ATP13A5: variants seen among roughly 807,000 people sequenced by gnomAD.
ATP13A5 encodes the protein probable cation-transporting ATPase 13A5.
In ATP13A5, 149 loss-of-function variants were observed where a neutral mutation model predicts 150.2. That is an observed-to-expected ratio of 0.99 (90% confidence interval 0.87 to 1.14). The LOEUF is 1.14. Ranked by LOEUF, ATP13A5 falls within the 50% of genes most tolerant of loss-of-function variation. The pLI, the probability that ATP13A5 is intolerant of heterozygous loss-of-function variation, is 0.00. For missense variants in ATP13A5, 1,383 were observed against 1,449.3 expected, an observed-to-expected ratio of 0.95 and a Z score of 0.74; for synonymous variants, 497 against 522.2, an observed-to-expected ratio of 0.95 and a Z score of 0.66.
At chr3:193,303,211 C>T (rs1236240763) in intron 23 of ATP13A5, among the ~76,000 whole-genome samples, 1 of 152,132 alleles carries the variant, frequency 6.6e-6, no homozygotes, top group Non-Finnish European at 1.5e-5. Flanking sequence ...CCAGTTACAA[C>T]ACTGTGTCTA....
chr3:193,311,793 A>G, intron 20 of ATP13A5, 23 bp downstream of exon 20: 2 of 1,612,868 alleles, frequency 1.2e-6, no homozygotes, highest in East Asian at 2.2e-5. Flanking sequence ...GCAAAACAAA[A>G]CACTTCTTTC....
intron 17 of ATP13A5, among the ~76,000 whole-genome samples, chr3:193,318,448 C>T (rs1719133474): frequency 6.6e-6 from 1 of 152,084 alleles, no homozygotes; most frequent in South Asian, 2.1e-4. Context: ...CAACTTATCC[C>T]TGTAATGTAA....
rs200352805 is a variant in ATP13A5 at position 193,299,207 on chromosome 3, A to C, written c.2776-4T>G. On this transcript the variant is annotated splice_polypyrimidine_tract_variant and splice_region_variant and intron_variant, in intron 24 of 29. Transcript: ENST00000342358. ...AATTTCCAAAGAGTTGTAGTTGCTG[A>C]AAAAGAAACAAAAGCAAATATAAAT... is the stretch of plus-strand genomic sequence containing the variant. 9 of 1,603,382 alleles carry C rather than the reference A, an allele frequency of 5.6e-6. No individual in the cohort carries two copies. The highest frequency in any genetic ancestry group is 7.7e-6 in the Non-Finnish European group (9 of 1,174,164).
intron 10 of ATP13A5, 115 bp from the exon 11 acceptor site, chr3:193,334,022 A>C (rs1652278484): frequency 1.1e-6 from 1 of 908,122 alleles, no homozygotes. Context: ...CTTCTACCTA[A>C]TCATTTTATA....
intron 24 of ATP13A5, among the ~76,000 whole-genome samples, chr3:193,299,443 C>A (rs1718313956): frequency 6.6e-6 from 1 of 152,144 alleles, no homozygotes; most frequent in Non-Finnish European, 1.5e-5. Flanking sequence ...TGAGAACCAC[C>A]CTCCTATTGG....
chr3:193,342,583 GT>G (rs1216991471), intron 9 of ATP13A5, among the ~76,000 whole-genome samples: 2 of 152,210 alleles, frequency 1.3e-5, no homozygotes, highest in Admixed American at 1.3e-4. Context: ...GTCATTTAAG[GT>G]TATTTGGAGC....
At chr3:193,336,920 A>T (rs554056551) in intron 9 of ATP13A5, among the ~76,000 whole-genome samples, 101 of 152,170 alleles carry the variant, frequency 6.6e-4, no homozygotes, top group African/African-American at 2.3e-3. Context: ...CTTTTTAATG[A>T]TTGCCATTCT....
At chr3:193,337,653 G>C (rs1711939612) in intron 9 of ATP13A5, among the ~76,000 whole-genome samples, 1 of 152,202 alleles carries the variant, frequency 6.6e-6, no homozygotes, top group Admixed American at 6.5e-5. Context: ...ATAGTTTGAA[G>C]TCAGGTAGCA....
At chr3:193,291,511 G>A (rs111656547) in intron 25 of ATP13A5, among the ~76,000 whole-genome samples, 6 of 152,152 alleles carry the variant, frequency 3.9e-5, no homozygotes, top group Non-Finnish European at 5.9e-5. Flanking sequence ...AATGAGGAGC[G>A]TTTGTGTTAA....
At chr3:193,323,261 G>GA (rs1166756234) in intron 14 of ATP13A5, 1 of 152,068 alleles carries the variant, frequency 6.6e-6, no homozygotes, top group Non-Finnish European at 1.5e-5. Context: ...AATTTCTTCT[G>GA]AAAAATATTC....
At chr3:193,280,003 A>AC (rs1553808806) in intron 27 of ATP13A5, among the ~76,000 whole-genome samples, 1 of 147,732 alleles carries the variant, frequency 6.8e-6, no homozygotes, top group African/African-American at 2.5e-5. Flanking sequence ...AAAAAAAAAA[A>AC]GCCCTGTGTA....
rs747678157 is a variant in ATP13A5 at position 193,289,966 on chromosome 3, G to A, written c.2942C>T (p.Ser981Phe). 4.3e-6 allele frequency: 7 copies of A among 1,612,898 alleles called. No individual in the cohort carries two copies. Among genetic ancestry groups the A allele is most frequent in the Non-Finnish European group, 5.9e-6 (7 of 1,179,278 alleles). Residue 981 changes from serine to phenylalanine, a missense_variant, in exon 26 of 30, where the codon TCC (serine) becomes TTC (phenylalanine). Transcript: ENST00000342358. ...PPLLLSIFLN[S>F]CFSCIVQISA... ...GATCTGCACAATGCAGGAGAAACAG[G>A]AATTCAAAAATATTGAAAGCAGTAA...
At chr3:193,299,103 A>G (rs1237359372) in intron 25 of ATP13A5, 28 bp downstream of exon 25, 1 of 1,542,824 alleles carries the variant, frequency 6.5e-7, no homozygotes, top group Non-Finnish European at 8.8e-7. Flanking sequence ...AATAAAAACA[A>G]TATAGTTTTC....
rs1717149826 is a variant in ATP13A5 at position 193,275,414 on chromosome 3, A to C, written c.3397-112T>G. On this transcript the variant is annotated intron_variant, in intron 29 of 29. Transcript: ENST00000342358. ...CCAGGCCTTCCTCTGAGGTGTGCTC[A>C]TTGCTGTTGCATCTACCTCTCCTTT... 3.2e-6 allele frequency: 4 copies of C among 1,231,276 alleles called. No homozygotes were observed. In the South Asian group the frequency reaches 5.8e-5, roughly 18 times the overall value. The allele number at this position is 1,231,276 out of a possible 1,614,324, so 76.3% of individuals were successfully genotyped here.
rs1194680637 is a variant in ATP13A5 at position 193,362,750 on chromosome 3, C to CTTCTTCTTTCT, written c.385-114_385-113insAGAAAGAAGAA. 31 of 633,198 alleles carry CTTCTTCTTTCT rather than the reference C, an allele frequency of 4.9e-5. No homozygotes were observed. In the African/African-American group the frequency reaches 7.4e-4, roughly 15 times the overall value. 39.2% of individuals were successfully genotyped at this position (633,198 alleles called of 1,614,324 possible). ...CCCCTTGTGGGTCTCACTTGCTTTC[C>CTTCTTCTTTCT]TTCTTTCTTTCTTTCTTTCTTTCTT... On this transcript the variant is annotated intron_variant, in intron 3 of 29. Coordinates refer to ENST00000342358, the MANE Select transcript of ATP13A5 (RefSeq NM_198505.4).
At chr3:193,302,309 T>A (rs1294697272) in intron 23 of ATP13A5, among the ~76,000 whole-genome samples, 1 of 152,204 alleles carries the variant, frequency 6.6e-6, no homozygotes, top group Non-Finnish European at 1.5e-5. Flanking sequence ...GAAGATATTT[T>A]CTACCAAGCT....
At chr3:193,288,998 A>G (rs1371391360) in intron 26 of ATP13A5, among the ~76,000 whole-genome samples, 1 of 152,128 alleles carries the variant, frequency 6.6e-6, no homozygotes, top group African/African-American at 2.4e-5. Flanking sequence ...GAAAAAATCT[A>G]GTGTTTAAAC....
intron 27 of ATP13A5, among the ~76,000 whole-genome samples, chr3:193,282,052 C>T (rs1219617899): frequency 6.6e-6 from 1 of 151,864 alleles, no homozygotes; most frequent in African/African-American, 2.4e-5. Context: ...AAAAATTAGC[C>T]AGGCGTGGTG....
chr3:193,313,425 T>C (rs1011561496), intron 19 of ATP13A5: 1 of 152,214 alleles, frequency 6.6e-6, no homozygotes, highest in African/African-American at 2.4e-5. Flanking sequence ...TTACCTTTAG[T>C]GATGGAATGT....
Sources: allele counts gnomAD v4.1 joint callset (sites outside exome capture counted in the v4.1 genomes callset), GRCh38; gene constraint gnomAD v4.1.1; transcripts MANE v1.5; gene names NCBI Gene and HGNC (gene_info 2026-07-23, HGNC 2026-07-21).